HCN1: variants seen among roughly 807,000 people sequenced by gnomAD.
HCN1 encodes hyperpolarization activated cyclic nucleotide gated potassium channel 1.
A neutral mutation model predicts 78.9 loss-of-function variants in HCN1; 13 were observed. The observed-to-expected ratio is 0.16, with a 90% CI of 0.11 to 0.26. HCN1 has a LOEUF of 0.26. HCN1 is among the 10% of genes least tolerant of loss of function. The pLI is 1.00. For missense variants in HCN1, 810 were observed against 1,154.3 expected (o/e 0.70, Z 4.32); for synonymous variants, 552 against 455.5 (o/e 1.21, Z -2.70).
intron 4 of HCN1, 84 bp downstream of exon 4, chr5:45,396,408 A>T: frequency 1.1e-6 from 1 of 946,674 alleles, no homozygotes; most frequent in Non-Finnish European, 1.7e-6. Context: ...TATAGAGGAG[A>T]TGGTGTAGTT....
At position 45,267,203 on chromosome 5, in the gene HCN1, T is replaced by C; in HGVS notation, c.1669A>G (p.Thr557Ala). The part of the protein sequence containing the change: ...GRRTASVRAD[T>A]YCRLYSLSVD... ...GAAAGTGAGTAAAGACGACAATATG[T>C]ATCAGCTCGAACACTGGCAGTACGA... Residue 557 changes from threonine (T) to alanine (A), a missense_variant, in exon 7 of 8, where the codon ACA (threonine) becomes GCA (alanine). Thr to Ala is a moderately conservative substitution (Grantham distance 58, BLOSUM62 0). Transcript: ENST00000303230. 6.2e-7 allele frequency: 1 copy of C among 1,614,032 alleles called. No homozygotes were observed. Among genetic ancestry groups the C allele is most frequent in the Non-Finnish European group, 8.5e-7 (1 of 1,179,960 alleles).
chr5:45,453,478 A>C (rs1303800087), intron 3 of HCN1, among the ~76,000 whole-genome samples: 9 of 152,086 alleles, frequency 5.9e-5, no homozygotes, highest in Non-Finnish European at 8.8e-5. Flanking sequence ...ACAAAACACA[A>C]TGACTTTTCA....
intron 2 of HCN1, among the ~76,000 whole-genome samples, chr5:45,631,739 C>T (rs1745272522): frequency 6.6e-6 from 1 of 152,036 alleles, no homozygotes; most frequent in African/African-American, 2.4e-5. Context: ...ACATTCTTTG[C>T]ATGACAGAGC....
chr5:45,273,673 T>C (rs1745001653), intron 6 of HCN1, among the ~76,000 whole-genome samples: 1 of 152,132 alleles, frequency 6.6e-6, no homozygotes, highest in Non-Finnish European at 1.5e-5. Context: ...CTTCCTTCTT[T>C]AGTAACTGAT....
chr5:45,383,114 TGTGGTC>T (rs1747841474), intron 4 of HCN1, among the ~76,000 whole-genome samples: 1 of 152,274 alleles, frequency 6.6e-6, no homozygotes, highest in East Asian at 1.9e-4. Flanking sequence ...TAAAACTTGT[TGTGGTC>T]ATGCAGTTAT....
intron 2 of HCN1, among the ~76,000 whole-genome samples, chr5:45,617,948 GACTT>G (rs1207872127): frequency 1.3e-5 from 2 of 152,092 alleles, no homozygotes; most frequent in African/African-American, 4.8e-5. Flanking sequence ...GTATATTGTA[GACTT>G]ACTATCTGTC....
At chr5:45,404,544 C>T (rs990184380) in intron 3 of HCN1, among the ~76,000 whole-genome samples, 5 of 149,774 alleles carry the variant, frequency 3.3e-5, no homozygotes, top group African/African-American at 1.2e-4. Context: ...TTAATGGGAA[C>T]ATAGTAAGTA....
At chr5:45,606,739 A>G (rs1744733683) in intron 2 of HCN1, among the ~76,000 whole-genome samples, 2 of 152,066 alleles carry the variant, frequency 1.3e-5, no homozygotes, top group African/African-American at 4.8e-5. Flanking sequence ...CTAAAGTACA[A>G]TAAGTTTTAA....
chr5:45,648,188 AC>A (rs988012971), intron 1 of HCN1, among the ~76,000 whole-genome samples: 1 of 152,178 alleles, frequency 6.6e-6, no homozygotes, highest in Admixed American at 6.6e-5. Context: ...TGTGGGAAGC[AC>A]CCAGCAACCT....
chr5:45,644,934 T>G, intron 2 of HCN1: 1 of 533,418 alleles, frequency 1.9e-6, no homozygotes, highest in Non-Finnish European at 3.3e-6. Context: ...CTGATTAAAG[T>G]GCATTTATTT....
intron 1 of HCN1, among the ~76,000 whole-genome samples, chr5:45,650,257 T>C (rs1000564700): frequency 7.2e-5 from 11 of 152,052 alleles, no homozygotes; most frequent in Non-Finnish European, 1.0e-4. Context: ...GTATGCAAAG[T>C]GTAGCATATA....
At chr5:45,497,141 A>G (rs1053149601) in intron 2 of HCN1, among the ~76,000 whole-genome samples, 32 of 152,232 alleles carry the variant, frequency 2.1e-4, no homozygotes, top group African/African-American at 7.7e-4. Flanking sequence ...CAATTTTGGA[A>G]TAAGTGTGGT....
chr5:45,273,551 AGC>A (rs1295535744), intron 6 of HCN1, among the ~76,000 whole-genome samples: 3 of 152,132 alleles, frequency 2.0e-5, no homozygotes, highest in Admixed American at 1.3e-4. Flanking sequence ...TGTGACACAG[AGC>A]TAATCAGGAA....
rs1186423021 is a variant in HCN1 at position 45,373,189 on chromosome 5, T to C, written c.1231-19943A>G. On this transcript the variant is annotated intron_variant, in intron 4 of 7. Transcript: ENST00000303230. ...TACTTTATAAAATATATGAAATATA[T>C]GTATTTTATATATTTTATATATGTT... Among the ~76,000 whole-genome samples the C allele has an allele frequency of 1.1e-4, 13 of 123,380 alleles. No homozygotes were observed. The South Asian group carries it at 2.3e-3, about 22-fold the overall frequency. The allele number at this position is 123,380 out of a possible 152,430, so 80.9% of individuals were successfully genotyped here.
In HCN1 at chr5:45,513,931, A is replaced by T. The variant is rs567320015; in HGVS notation, c.850-51924T>A. On this transcript the variant is annotated intron_variant, in intron 2 of 7. Transcript: ENST00000303230. ...GATAAACATTTTTAAAAGGACATAA[A>T]CTGTCCAAATGTAAGGGGATACCAA... 3.9e-5 allele frequency among the ~76,000 whole-genome samples: 6 copies of T among 152,252 alleles called. No homozygotes were observed. In the East Asian group the frequency reaches 1.2e-3, roughly 30 times the overall value.
chr5:45,685,472 A>C (rs1739785382), intron 1 of HCN1, among the ~76,000 whole-genome samples: 1 of 152,156 alleles, frequency 6.6e-6, no homozygotes, highest in African/African-American at 2.4e-5. Flanking sequence ...TCAGCACTTT[A>C]GGAGGCCGAG....
intron 2 of HCN1, among the ~76,000 whole-genome samples, chr5:45,565,990 TA>T (rs1172523800): frequency 6.6e-6 from 1 of 152,196 alleles, no homozygotes; most frequent in African/African-American, 2.4e-5. Context: ...GATGGTGGTA[TA>T]ATGATTTGTG....
chr5:45,687,605 T>C (rs1216503798), intron 1 of HCN1, among the ~76,000 whole-genome samples: 1 of 152,160 alleles, frequency 6.6e-6, no homozygotes, highest in African/African-American at 2.4e-5. Flanking sequence ...TGTGGAGTAT[T>C]TTTTATAATA....
intron 4 of HCN1, among the ~76,000 whole-genome samples, chr5:45,353,900 A>G (rs746508540): frequency 1.3e-5 from 2 of 152,010 alleles, no homozygotes; most frequent in Non-Finnish European, 2.9e-5. Context: ...CATTTAAACA[A>G]GTAGGCGTCA....
Sources: gnomAD v4.1 joint callset for allele counts (sites outside exome capture counted in the v4.1 genomes callset) on GRCh38, gnomAD v4.1.1 for gene constraint, MANE v1.5 for transcripts, NCBI Gene and HGNC (gene_info 2026-07-23, HGNC 2026-07-21) for gene names.